The following UBE2K variants were observed in gnomAD, a reference collection of about 807,000 sequenced individuals.
The protein encoded by UBE2K is ubiquitin conjugating enzyme E2 K.
UBE2K carries 6 observed loss-of-function variants against 30.0 expected under a neutral mutation model. The ratio of observed to expected loss-of-function variants is 0.20; its 90% CI spans 0.11 to 0.39. UBE2K has a LOEUF of 0.39. Among genes scored for constraint, UBE2K ranks in the 10% least tolerant of loss-of-function variants. The pLI is 1.00. For missense variants in UBE2K, 61 were observed against 241.6 expected, an observed-to-expected ratio of 0.25 and a Z score of 4.96; for synonymous variants, 86 against 83.7, an observed-to-expected ratio of 1.03 and a Z score of -0.15.
chr4:39,743,330 G>T (rs192402510), intron 2 of UBE2K, among the ~76,000 whole-genome samples: 2 of 152,106 alleles, frequency 1.3e-5, no homozygotes, highest in African/African-American at 2.4e-5. Context: ...TAGGCCAGGC[G>T]CAGTGGCTCA....
intron 1 of UBE2K, among the ~76,000 whole-genome samples, chr4:39,715,025 A>ATT (rs905603415): frequency 0.049 from 6,589 of 133,788 alleles, 245 homozygotes; most frequent in Middle Eastern, 0.087. Flanking sequence ...CTCTTGGCTA[A>ATT]TTTTTTTTTT....
At chr4:39,771,354 T>G in intron 4 of UBE2K, 1 of 1,612,796 alleles carries the variant, frequency 6.2e-7, no homozygotes. Context: ...ACCACTCCTC[T>G]GCCCGGAGCT....
At chr4:39,702,251 T>C (rs1211135790) in intron 1 of UBE2K, among the ~76,000 whole-genome samples, 406 of 50,018 alleles carry the variant, frequency 8.1e-3, no homozygotes, top group Non-Finnish European at 9.5e-3. Context: ...TTTTTTTTTT[T>C]TTTTTTTTTT....
Position 39,762,936 on chromosome 4 carries a change from C to CTTTTTTTTTTTT in UBE2K, c.299+7213_299+7224dup, listed in dbSNP as rs869207095. 7.6e-5 allele frequency among the ~76,000 whole-genome samples: 6 copies of CTTTTTTTTTTTT among 78,652 alleles called. 1 individual carries two copies. Among genetic ancestry groups the CTTTTTTTTTTTT allele is most frequent in the Non-Finnish European group, 1.4e-4 (6 of 42,854 alleles). The allele number at this position is 78,652 out of a possible 152,430, so 51.6% of individuals were successfully genotyped here. ...GAGCCACGCACCCGGCCAAAAAACACTTTTTTTTTTTTTTTTTTTTTTTTT... is the reference window on the plus strand; with the variant it reads ...GAGCCACGCACCCGGCCAAAAAACACTTTTTTTTTTTTTTTTTTTTTTTTTTTTTTTTTTTTT... On this transcript the variant is annotated intron_variant, in intron 4 of 6. Transcript: ENST00000261427.
At chr4:39,776,072 G>T (rs962346902) in intron 5 of UBE2K, among the ~76,000 whole-genome samples, 2 of 152,122 alleles carry the variant, frequency 1.3e-5, no homozygotes. Context: ...CGAGAGCCTG[G>T]TGTTTAACTA....
At chr4:39,770,843 A>G (rs1712755623) in intron 4 of UBE2K, 1 of 1,540,420 alleles carries the variant, frequency 6.5e-7, no homozygotes, top group South Asian at 1.3e-5. Context: ...CCTCATCCTC[A>G]TCCTCTTCCT....
intron 1 of UBE2K, among the ~76,000 whole-genome samples, chr4:39,716,108 C>T (rs912419989): frequency 6.6e-6 from 1 of 152,206 alleles, no homozygotes; most frequent in Middle Eastern, 3.2e-3. Flanking sequence ...TTTCCTCTAA[C>T]CTCTGTTACT....
chr4:39,721,917 C>T (rs989592812), intron 1 of UBE2K, among the ~76,000 whole-genome samples: 7 of 152,042 alleles, frequency 4.6e-5, no homozygotes, highest in Non-Finnish European at 7.4e-5. Flanking sequence ...GACAAAAGCC[C>T]GTCTCGACAA....
intron 1 of UBE2K, among the ~76,000 whole-genome samples, chr4:39,719,710 A>C (rs751855639): frequency 5.5e-4 from 83 of 152,142 alleles, no homozygotes; most frequent in Non-Finnish European, 1.0e-3. Context: ...GTCATACCCA[A>C]TTTTGGGTTG....
intron 3 of UBE2K, 70 bp downstream of exon 3, chr4:39,745,880 T>C (rs904523811): frequency 4.2e-6 from 5 of 1,183,224 alleles, no homozygotes; most frequent in Admixed American, 4.8e-5. Context: ...TTTATTAATA[T>C]ATATTTTAGG....
At chr4:39,704,620 G>A (rs897980068) in intron 1 of UBE2K, among the ~76,000 whole-genome samples, 2 of 151,996 alleles carry the variant, frequency 1.3e-5, no homozygotes, top group Non-Finnish European at 2.9e-5. Flanking sequence ...GTTCACTGCA[G>A]CCTTGAACTC....
intron 1 of UBE2K, among the ~76,000 whole-genome samples, chr4:39,699,488 T>C (rs552312474): frequency 3.9e-5 from 6 of 152,212 alleles, no homozygotes; most frequent in African/African-American, 1.2e-4. Flanking sequence ...ATGTAAGATA[T>C]TCACAGTGCT....
At chr4:39,722,543 A>C (rs461962) in intron 1 of UBE2K, among the ~76,000 whole-genome samples, 47,713 of 151,844 alleles carry the variant, frequency 0.31, 9,268 homozygotes, top group African/African-American at 0.56. Flanking sequence ...TTATTCCCAA[A>C]ATCCTTTTAC....
At chr4:39,704,076 A>G (rs1718192023) in intron 1 of UBE2K, among the ~76,000 whole-genome samples, 1 of 151,488 alleles carries the variant, frequency 6.6e-6, no homozygotes, top group African/African-American at 2.4e-5. Flanking sequence ...AAATGAATGT[A>G]ACGAGAATTT....
chr4:39,698,691 C>T (rs1408271291), intron 1 of UBE2K, among the ~76,000 whole-genome samples: 2 of 152,052 alleles, frequency 1.3e-5, no homozygotes, highest in Non-Finnish European at 2.9e-5. Flanking sequence ...GCGGTGGCCG[C>T]AGCTGGAAAT....
intron 4 of UBE2K, among the ~76,000 whole-genome samples, chr4:39,759,681 T>C (rs186503051): frequency 2.0e-5 from 3 of 152,288 alleles, no homozygotes; most frequent in Admixed American, 1.3e-4. Context: ...TCTACTTACC[T>C]GGGGAAGAAA....
At position 39,779,042 on chromosome 4, in the gene UBE2K, A is replaced by ACCCCCCCCCCCCCCCCCCCCCT. The variant is rs3839130; in HGVS notation, c.*616_*617insCCCCCCCCCCCCCTCCCCCCCC. The ACCCCCCCCCCCCCCCCCCCCCT allele has an allele frequency of 7.8e-6, 1 of 128,224 alleles. No individual in the cohort carries two copies. The highest frequency in any genetic ancestry group is 1.6e-5 in the Non-Finnish European group (1 of 62,680). 7.9% of individuals were successfully genotyped at this position (128,224 alleles called of 1,614,324 possible). ...TGGGACAGTGTCTGATTCCCCCTTC[A>ACCCCCCCCCCCCCCCCCCCCCT]CCCCCCCCACCCCCGCCTTGCCACA... On this transcript the variant is annotated 3_prime_UTR_variant, in exon 7 of 7. Coordinates refer to ENST00000261427, the MANE Select transcript of UBE2K (RefSeq NM_005339.5).
At chr4:39,708,692 G>T (rs1468046099) in intron 1 of UBE2K, among the ~76,000 whole-genome samples, 1 of 152,056 alleles carries the variant, frequency 6.6e-6, no homozygotes, top group Non-Finnish European at 1.5e-5. Flanking sequence ...AGCTGAAACA[G>T]ATCTAGGCCA....
At chr4:39,700,328 C>T (rs114904679) in intron 1 of UBE2K, among the ~76,000 whole-genome samples, 5,218 of 152,138 alleles carry the variant, frequency 0.034, 150 homozygotes, top group Middle Eastern at 0.068. Context: ...AAAAGTGTTT[C>T]AGAAGAAGAA....
Sources: gnomAD v4.1 joint callset for allele counts (sites outside exome capture counted in the v4.1 genomes callset) on GRCh38, gnomAD v4.1.1 for gene constraint, MANE v1.5 for transcripts, NCBI Gene and HGNC (gene_info 2026-07-23, HGNC 2026-07-21) for gene names.